The following DNM1 variants were observed in gnomAD, a reference collection of about 807,000 sequenced individuals.
DNM1 encodes dynamin-1.
DNM1 carries 29 observed loss-of-function variants against 104.6 expected under a neutral mutation model. The observed-to-expected ratio is 0.28, with a 90% confidence interval of 0.21 to 0.38. The LOEUF (loss-of-function observed/expected upper bound fraction) is 0.38, where lower values mean the gene tolerates loss of function less well. DNM1 is among the 10% of genes least tolerant of loss of function. The pLI, the probability that DNM1 is intolerant of heterozygous loss-of-function variation, is 1.00. For missense variants in DNM1, 640 were observed against 1,189.4 expected (o/e 0.54, Z 6.79); for synonymous variants, 445 against 475.8 (o/e 0.94, Z 0.84).
chr9:128,242,569 G>A (rs1380566897), intron 15 of DNM1, among the ~76,000 whole-genome samples: 4 of 152,136 alleles, frequency 2.6e-5, no homozygotes, highest in Admixed American at 6.5e-5. Context: ...AGACCAGCCC[G>A]GCCAAAATGG....
intron 10 of DNM1, chr9:128,232,268 G>A: frequency 1.8e-5 from 6 of 333,610 alleles, no homozygotes; most frequent in South Asian, 1.3e-4. Flanking sequence ...AGTCCCAAAT[G>A]TCTGCCCAGA....
rs1347514639 is a variant in DNM1 at position 128,220,736 on chromosome 9, C to T, written c.849+395C>T. Among the ~76,000 whole-genome samples, 50 of 102,160 alleles carry T rather than the reference C, an allele frequency of 4.9e-4. No individual in the cohort carries two copies. Among genetic ancestry groups the T allele is most frequent in the African/African-American group, 2.1e-3 (45 of 21,656 alleles). The allele number at this position is 102,160 out of a possible 152,430, so 67.0% of individuals were successfully genotyped here. ...GGCATCCAGAACTGAAGTGCGCGCGCGCGCGCGTGTGTGTGTGTGTGTGTG... is the reference window on the plus strand; with the variant it reads ...GGCATCCAGAACTGAAGTGCGCGCGTGCGCGCGTGTGTGTGTGTGTGTGTG... On this transcript the variant is annotated intron_variant, in intron 6 of 21. Transcript: ENST00000372923. The surrounding 1 kb of genome is among the most constrained non-coding windows in gnomAD (Gnocchi z 5.2).
At position 128,247,722 on chromosome 9, in the gene DNM1, A is replaced by G. The variant is rs971289198; in HGVS notation, c.1894-202A>G. On this transcript the variant is annotated intron_variant, in intron 17 of 21. Coordinates refer to ENST00000372923, the MANE Select transcript of DNM1 (RefSeq NM_004408.4). This position sits in a 1 kb window ranked among gnomAD's most constrained non-coding sequence, Gnocchi z 5.1. ...CTCTGTTGCAGATGGCATTTCCTCC[A>G]TCCCCTTTCTATGATGGTAGTTTCT... Among the ~76,000 whole-genome samples, 3 of 152,120 alleles carry G rather than the reference A, an allele frequency of 2.0e-5. No individual in the cohort carries two copies. Among genetic ancestry groups the G allele is most frequent in the African/African-American group, 7.2e-5 (3 of 41,416 alleles).
intron 9 of DNM1, chr9:128,223,247 C>A: frequency 4.7e-6 from 1 of 214,358 alleles, no homozygotes; most frequent in Non-Finnish European, 9.4e-6. Flanking sequence ...TTTATGACGG[C>A]CGGGGACTTT....
In DNM1 at chr9:128,218,629, G is replaced by C; in HGVS notation, c.283G>C (p.Glu95Gln). Residue 95 changes from glutamate (E) to glutamine (Q), a missense_variant, in exon 3 of 22, where the codon GAG becomes CAG. Physicochemically the swap from Glu to Gln is conservative, Grantham distance 29 (BLOSUM62 2). Transcript: ENST00000372923. This position sits in a 1 kb window ranked among gnomAD's most constrained non-coding sequence, Gnocchi z 4.8. ...HCKGKKFTDF[E>Q]EVRLEIEAET... ...CAAGGGAAAGAAATTCACCGACTTCGAGGAGGTGCGCCTTGAGATCGAGGC... is the reference window on the plus strand; with the variant it reads ...CAAGGGAAAGAAATTCACCGACTTCCAGGAGGTGCGCCTTGAGATCGAGGC... The C allele has an allele frequency of 1.2e-6, 2 of 1,613,682 alleles. No homozygotes were observed. Among genetic ancestry groups the C allele is most frequent in the Non-Finnish European group, 1.7e-6 (2 of 1,179,716 alleles).
intron 19 of DNM1, among the ~76,000 whole-genome samples, chr9:128,249,290 A>C (rs1476352992): frequency 6.6e-6 from 1 of 152,134 alleles, no homozygotes; most frequent in Non-Finnish European, 1.5e-5. Flanking sequence ...CAGGAGGATC[A>C]CTTGAGCCCA....
In DNM1 at chr9:128,246,559, T is replaced by G. The variant is rs541229996; in HGVS notation, c.1781+56T>G. ...CAGCCCCAAAACCACCCTCACTGAGTAGAAGCTGGGTACAGGGATCCAGGG... is the reference window on the plus strand; with the variant it reads ...CAGCCCCAAAACCACCCTCACTGAGGAGAAGCTGGGTACAGGGATCCAGGG... On this transcript the variant is annotated intron_variant, in intron 16 of 21. Coordinates refer to ENST00000372923, the MANE Select transcript of DNM1 (RefSeq NM_004408.4). 1.8e-5 allele frequency: 25 copies of G among 1,351,438 alleles called. No individual in the cohort carries two copies. The East Asian group carries it at 5.5e-4, about 30-fold the overall frequency. 83.7% of individuals were successfully genotyped at this position (1,351,438 alleles called of 1,614,324 possible). A position where few individuals can be genotyped will look rare whatever the true frequency, so the allele number is the denominator to read the frequency against.
At chr9:128,227,540 C>T (rs1390150457) in intron 10 of DNM1, among the ~76,000 whole-genome samples, 1 of 151,842 alleles carries the variant, frequency 6.6e-6, no homozygotes, top group African/African-American at 2.4e-5. Context: ...CACCACCATG[C>T]CTGGCTAATT....
intron 1 of DNM1, among the ~76,000 whole-genome samples, chr9:128,208,041 T>A (rs1035805971): frequency 7.1e-6 from 1 of 140,802 alleles, no homozygotes; most frequent in African/African-American, 2.7e-5. Flanking sequence ...TGTCCCTTCC[T>A]CCCCATTCTT....
rs1004698189 is a variant in DNM1, at chr9:128,224,247, T to C, written c.1197-4T>C. On this transcript the variant is annotated splice_region_variant and splice_polypyrimidine_tract_variant and intron_variant, in intron 9 of 21. Coordinates refer to ENST00000372923, the MANE Select transcript of DNM1 (RefSeq NM_004408.4). This position sits in a 1 kb window ranked among gnomAD's most constrained non-coding sequence, Gnocchi z 4.3. ...TCTGCCCTTCTCCCGCTCCGGGCGT[T>C]CAGAACGGGGCTGTTTACCCCAGAC... 3.1e-6 allele frequency: 5 copies of C among 1,612,918 alleles called. No individual in the cohort carries two copies. The African/African-American group carries it at 4.0e-5, about 13-fold the overall frequency.
rs1395573651 is a variant in DNM1, at chr9:128,203,878, G to C, written c.161+247G>C. Among the ~76,000 whole-genome samples, 1 of 150,662 alleles carries C rather than the reference G, an allele frequency of 6.6e-6. No homozygotes were observed. Among genetic ancestry groups the C allele is most frequent in the Admixed American group, 6.6e-5 (1 of 15,060 alleles). On this transcript the variant is annotated intron_variant, in intron 1 of 21. Transcript: ENST00000372923. This position sits in a 1 kb window ranked among gnomAD's most constrained non-coding sequence, Gnocchi z 5.3. ...GCTACCGAATCACGCCCCCTCCTCC[G>C]TCCCATCCTTTAGGGCAGACAACGC... is the stretch of plus-strand genomic sequence containing the variant.
At chr9:128,235,223 T>C (rs1271306260) in intron 11 of DNM1, among the ~76,000 whole-genome samples, 2 of 151,948 alleles carry the variant, frequency 1.3e-5, no homozygotes, top group Admixed American at 6.6e-5. Flanking sequence ...TGGCCGGGCG[T>C]GGTGGCTCAT....
In DNM1 at chr9:128,245,048, G is replaced by A. The variant is rs370675238; in HGVS notation, c.1672-1346G>A. On this transcript the variant is annotated intron_variant, in intron 15 of 21. Coordinates refer to ENST00000372923, the MANE Select transcript of DNM1 (RefSeq NM_004408.4). This position sits in a 1 kb window ranked among gnomAD's most constrained non-coding sequence, Gnocchi z 5.2. Reference sequence around the variant, plus strand: ...GAGGGGCCTGAGGAGGGGGCCGGCCGGCAGGAAGGGAGGGGTGGGGGGAGG... The same window carrying A: ...GAGGGGCCTGAGGAGGGGGCCGGCCAGCAGGAAGGGAGGGGTGGGGGGAGG... 15 of 263,504 alleles carry A rather than the reference G, an allele frequency of 5.7e-5. No homozygotes were observed. In the East Asian group the frequency reaches 1.1e-3, roughly 19 times the overall value. 16.3% of individuals were successfully genotyped at this position (263,504 alleles called of 1,614,324 possible). A position where few individuals can be genotyped will look rare whatever the true frequency, so the allele number is the denominator to read the frequency against.
Position 128,224,397 on chromosome 9 carries a change from G to T in DNM1, c.1335+8G>T. 1 of 1,605,224 alleles carries T rather than the reference G, an allele frequency of 6.2e-7. No individual in the cohort carries two copies. Among genetic ancestry groups the T allele is most frequent in the African/African-American group, 1.3e-5 (1 of 74,924 alleles). On this transcript the variant is annotated splice_region_variant and intron_variant, in intron 10 of 21. Coordinates refer to ENST00000372923, the MANE Select transcript of DNM1 (RefSeq NM_004408.4). The surrounding 1 kb of genome is among the most constrained non-coding windows in gnomAD (Gnocchi z 4.3). ...AGACAGTGCACCAAGAAGGTAACCC[G>T]GAGGCCCGGGCCAGCCCCCACCGCC...
At chr9:128,217,877 C>T (rs978402497) in intron 1 of DNM1, among the ~76,000 whole-genome samples, 2 of 152,150 alleles carry the variant, frequency 1.3e-5, no homozygotes, top group African/African-American at 4.8e-5. Context: ...GCATTGGACA[C>T]ATAGGCATGT....
chr9:128,237,319 T>C (rs1270347274), intron 11 of DNM1, among the ~76,000 whole-genome samples: 1 of 151,994 alleles, frequency 6.6e-6, no homozygotes, highest in Non-Finnish European at 1.5e-5. Context: ...TGGAGTGCAG[T>C]GGCTCAATCT....
chr9:128,239,743 C>G lies in DNM1; in HGVS notation c.1509C>G (p.Ser503Arg). ...FIGFANAQQR[S>R]NQMNKKKTSG... ...CTCCCATTAGTGCTCAGCAGAGGAG[C>G]AACCAGATGAACAAGAAGAAGACTT... is the stretch of plus-strand genomic sequence containing the variant. Residue 503 changes from serine (S) to arginine (R), a missense_variant, in exon 13 of 22, where the codon AGC (serine) becomes AGG (arginine). Around this residue, in one of 7 missense-constraint regions of DNM1, gnomAD observed 91 missense variants for 256.3 expected, o/e 0.36. Coordinates refer to ENST00000372923, the MANE Select transcript of DNM1 (RefSeq NM_004408.4). 4 of 1,613,758 alleles carry G rather than the reference C, an allele frequency of 2.5e-6. No individual in the cohort carries two copies. The highest frequency in any genetic ancestry group is 3.4e-6 in the Non-Finnish European group (4 of 1,179,874).
At chr9:128,219,913 ATGGGAG>A in intron 4 of DNM1, 69 bp from the exon 5 acceptor site, 1 of 1,194,444 alleles carries the variant, frequency 8.4e-7, no homozygotes, top group Non-Finnish European at 1.2e-6. Flanking sequence ...GAGCAGGGGG[ATGGGAG>A]TGGGAGTGCA....
Position 128,220,740 on chromosome 9 carries a change from C to CGTGTGTGTGTGTGTGT in DNM1, c.849+400_849+401insTGTGTGTGTGTGTGTG, listed in dbSNP as rs754950978. Reference sequence around the variant, plus strand: ...TCCAGAACTGAAGTGCGCGCGCGCGCGCGTGTGTGTGTGTGTGTGTGTGTG... The same window carrying CGTGTGTGTGTGTGTGT: ...TCCAGAACTGAAGTGCGCGCGCGCGCGTGTGTGTGTGTGTGTGCGTGTGTGTGTGTGTGTGTGTGTG... On this transcript the variant is annotated intron_variant, in intron 6 of 21. Coordinates refer to ENST00000372923, the MANE Select transcript of DNM1 (RefSeq NM_004408.4). This position sits in a 1 kb window ranked among gnomAD's most constrained non-coding sequence, Gnocchi z 5.2. Among the ~76,000 whole-genome samples the CGTGTGTGTGTGTGTGT allele has an allele frequency of 0.015, 1,828 of 125,628 alleles. 32 individuals carry two copies. The highest frequency in any genetic ancestry group is 0.04 in the South Asian group (127 of 3,204). 82.4% of individuals were successfully genotyped at this position (125,628 alleles called of 152,430 possible).
Sources: gnomAD v4.1 joint callset for allele counts (sites outside exome capture counted in the v4.1 genomes callset) on GRCh38, gnomAD v4.1.1 for gene constraint, gnomAD v4.1.1 regional missense constraint, Gnocchi (gnomAD v3.1) non-coding constraint, MANE v1.5 for transcripts, NCBI Gene and HGNC (gene_info 2026-07-23, HGNC 2026-07-21) for gene names.